Variants in SDK1 observed in about 807,000 individuals in gnomAD.
SDK1 encodes the protein protein sidekick-1.
A neutral mutation model predicts 245.5 loss-of-function variants in SDK1; 157 were observed. The observed-to-expected ratio is 0.64, with a 90% confidence interval of 0.56 to 0.73. The LOEUF (loss-of-function observed/expected upper bound fraction) is 0.73, where lower values mean the gene tolerates loss of function less well. SDK1 is among the 30% of genes least tolerant of loss of function. SDK1 has a pLI of 0.00. For missense variants in SDK1, 3,583 were observed against 3,002.3 expected, an observed-to-expected ratio of 1.19 and a Z score of -4.52; for synonymous variants, 1,647 against 1,278.5, an observed-to-expected ratio of 1.29 and a Z score of -6.15.
At chr7:3,331,253 ACT>A (rs1383624079) in intron 1 of SDK1, among the ~76,000 whole-genome samples, 3 of 151,936 alleles carry the variant, frequency 2.0e-5, no homozygotes, top group Non-Finnish European at 2.9e-5. Context: ...ACAAAGCGAG[ACT>A]CTGTCTGAAA....
At chr7:3,579,098 A>C (rs1780400160) in intron 1 of SDK1, among the ~76,000 whole-genome samples, 1 of 151,922 alleles carries the variant, frequency 6.6e-6, no homozygotes, top group Non-Finnish European at 1.5e-5. Flanking sequence ...AACTTTTCCT[A>C]TATAAAGGGG....
intron 5 of SDK1, among the ~76,000 whole-genome samples, chr7:3,825,980 A>G (rs1005065699): frequency 6.6e-6 from 1 of 152,252 alleles, no homozygotes; most frequent in Non-Finnish European, 1.5e-5. Flanking sequence ...TATAGATTGT[A>G]TGACACTTTA....
At chr7:3,332,463 C>T (rs537344048) in intron 1 of SDK1, among the ~76,000 whole-genome samples, 4 of 152,184 alleles carry the variant, frequency 2.6e-5, no homozygotes, top group Admixed American at 1.3e-4. Context: ...AAAAATTGCC[C>T]TTTTTCACAT....
In SDK1 at chr7:3,307,733, G is replaced by A. The variant is rs982336308; in HGVS notation, c.298+5849G>A. Among the ~76,000 whole-genome samples the A allele has an allele frequency of 3.9e-5, 6 of 152,292 alleles. No individual in the cohort carries two copies. In the South Asian group the frequency reaches 1.2e-3, roughly 32 times the overall value. On this transcript the variant is annotated intron_variant, in intron 1 of 44. Coordinates refer to ENST00000404826, the MANE Select transcript of SDK1 (RefSeq NM_152744.4). ...GTAAATGGAAAAGACATTGGGCTAA[G>A]TATCAGTAGGCCTCGTTTATACTTC...
chr7:3,752,833 A>G (rs1371221862), intron 4 of SDK1, among the ~76,000 whole-genome samples: 1 of 152,192 alleles, frequency 6.6e-6, no homozygotes, highest in Admixed American at 6.5e-5. Flanking sequence ...TTTTCTCTAT[A>G]TAGTATAGTA....
intron 7 of SDK1, among the ~76,000 whole-genome samples, chr7:3,954,172 C>T (rs558607153): frequency 5.0e-4 from 76 of 151,558 alleles, no homozygotes; most frequent in Middle Eastern, 3.4e-3. Flanking sequence ...GCACAGAGGT[C>T]GGCTTCCAGG....
chr7:3,467,892 A>G (rs1313823723), intron 1 of SDK1, among the ~76,000 whole-genome samples: 1 of 152,236 alleles, frequency 6.6e-6, no homozygotes, highest in East Asian at 1.9e-4. Context: ...AATGCATCAC[A>G]AGTTTATTAG....
chr7:3,497,683 A>G (rs1300276180), intron 1 of SDK1, among the ~76,000 whole-genome samples: 1 of 152,224 alleles, frequency 6.6e-6, no homozygotes, highest in African/African-American at 2.4e-5. Flanking sequence ...GGAGTAAAAG[A>G]GGTTTAAAAA....
intron 1 of SDK1, among the ~76,000 whole-genome samples, chr7:3,310,433 T>C (rs961280200): frequency 1.3e-5 from 2 of 152,154 alleles, no homozygotes; most frequent in African/African-American, 4.8e-5. Flanking sequence ...GTGGTGGTGC[T>C]GGAGATGGAG....
intron 35 of SDK1, among the ~76,000 whole-genome samples, chr7:4,203,756 G>C (rs1362472291): frequency 6.6e-6 from 1 of 152,212 alleles, no homozygotes; most frequent in Non-Finnish European, 1.5e-5. Flanking sequence ...GAGCAAAAAA[G>C]AAGTCTCCAA....
intron 1 of SDK1, among the ~76,000 whole-genome samples, chr7:3,334,155 C>T (rs1211735744): frequency 6.6e-6 from 1 of 152,192 alleles, no homozygotes; most frequent in African/African-American, 2.4e-5. Flanking sequence ...TTCAGCTTTC[C>T]AGACTCTGCA....
chr7:4,003,975 T>C (rs1283600805), intron 14 of SDK1, among the ~76,000 whole-genome samples: 1 of 152,130 alleles, frequency 6.6e-6, no homozygotes, highest in Non-Finnish European at 1.5e-5. Flanking sequence ...TAGGCAACAA[T>C]GAGATGTGGA....
chr7:3,346,013 T>G (rs1780482809), intron 1 of SDK1, among the ~76,000 whole-genome samples: 1 of 152,218 alleles, frequency 6.6e-6, no homozygotes, highest in South Asian at 2.1e-4. Context: ...CATTGTTAGA[T>G]GTTTCTGGCA....
intron 2 of SDK1, among the ~76,000 whole-genome samples, chr7:3,632,727 G>A (rs778461877): frequency 6.6e-6 from 1 of 152,256 alleles, no homozygotes; most frequent in East Asian, 1.9e-4. Flanking sequence ...TGTTTTGAAA[G>A]AACTAAAAAC....
intron 17 of SDK1, among the ~76,000 whole-genome samples, chr7:4,042,202 A>T (rs571080552): frequency 7.4e-6 from 1 of 135,886 alleles, no homozygotes; most frequent in African/African-American, 3.4e-5. Flanking sequence ...TGTGTAACCT[A>T]TCCGAGGCAC....
At chr7:3,354,598 A>C (rs1458429736) in intron 1 of SDK1, among the ~76,000 whole-genome samples, 5 of 152,220 alleles carry the variant, frequency 3.3e-5, no homozygotes, top group African/African-American at 1.2e-4. Flanking sequence ...AAATGTAATC[A>C]GTCTACATTT....
chr7:3,535,926 T>C (rs1778871888), intron 1 of SDK1, among the ~76,000 whole-genome samples: 1 of 152,180 alleles, frequency 6.6e-6, no homozygotes, highest in Admixed American at 6.5e-5. Flanking sequence ...GTAAACATAT[T>C]CCTGAACATA....
intron 4 of SDK1, among the ~76,000 whole-genome samples, chr7:3,800,370 C>CTTATTTATTTAT (rs923376278): frequency 9.4e-4 from 140 of 148,986 alleles, no homozygotes; most frequent in African/African-American, 2.5e-3. Flanking sequence ...TACTTACTTA[C>CTTATTTATTTAT]TTATTTATTT....
At chr7:3,771,953 T>C (rs1032910292) in intron 4 of SDK1, among the ~76,000 whole-genome samples, 25 of 152,206 alleles carry the variant, frequency 1.6e-4, no homozygotes, top group African/African-American at 5.8e-4. Flanking sequence ...ACCCTTCTAC[T>C]TTTTGTCTTA....
Sources: allele counts gnomAD v4.1 joint callset (sites outside exome capture counted in the v4.1 genomes callset), GRCh38; gene constraint gnomAD v4.1.1; transcripts MANE v1.5; gene names NCBI Gene and HGNC (gene_info 2026-07-23, HGNC 2026-07-21).